The following ROBO1 variants were observed in gnomAD, a reference collection of about 807,000 sequenced individuals.
ROBO1 encodes roundabout guidance receptor 1.
A neutral mutation model predicts 195.9 loss-of-function variants in ROBO1; 149 were observed. The observed-to-expected ratio is 0.76, with a 90% CI of 0.67 to 0.87. The LOEUF is 0.87. Among genes scored for constraint, ROBO1 ranks in the 40% least tolerant of loss-of-function variants. ROBO1 has a pLI of 0.00. For synonymous variants in ROBO1, 816 were observed against 733.2 expected (o/e 1.11, Z -1.82); for missense variants, 1,933 against 2,068.3 (o/e 0.93, Z 1.27).
intron 2 of ROBO1, among the ~76,000 whole-genome samples, chr3:79,222,319 A>G (rs1324031860): frequency 6.6e-6 from 1 of 152,084 alleles, no homozygotes; most frequent in East Asian, 1.9e-4. Flanking sequence ...TTGAAGTCTC[A>G]GTTCTTTCAT....
At chr3:79,236,149 T>C (rs1205378496) in intron 2 of ROBO1, among the ~76,000 whole-genome samples, 1 of 152,070 alleles carries the variant, frequency 6.6e-6, no homozygotes, top group Admixed American at 6.5e-5. Context: ...TGAACACACG[T>C]ATGACATTTT....
At chr3:79,054,839 C>A (rs1004731412) in intron 3 of ROBO1, among the ~76,000 whole-genome samples, 2 of 152,090 alleles carry the variant, frequency 1.3e-5, no homozygotes, top group East Asian at 3.9e-4. Context: ...GCCCCAATAT[C>A]AAACGGGATG....
At chr3:79,649,555 A>G (rs1945938063) in intron 1 of ROBO1, among the ~76,000 whole-genome samples, 2 of 152,150 alleles carry the variant, frequency 1.3e-5, no homozygotes, top group Admixed American at 1.3e-4. Flanking sequence ...AAGAGGAAAC[A>G]TTTAAATTAG....
At chr3:79,118,205 T>C (rs1233082758) in intron 3 of ROBO1, among the ~76,000 whole-genome samples, 2 of 151,776 alleles carry the variant, frequency 1.3e-5, no homozygotes, top group Admixed American at 1.3e-4. Context: ...CAGCTAAAAA[T>C]ATTAGGCTGG....
At chr3:78,826,491 G>T (rs1024153133) in intron 4 of ROBO1, among the ~76,000 whole-genome samples, 2 of 152,150 alleles carry the variant, frequency 1.3e-5, no homozygotes, top group Non-Finnish European at 2.9e-5. Context: ...TTAGAGATCA[G>T]TCAGAGAGGC....
chr3:79,291,910 C>G (rs2032275198), intron 2 of ROBO1, among the ~76,000 whole-genome samples: 1 of 152,112 alleles, frequency 6.6e-6, no homozygotes, highest in Non-Finnish European at 1.5e-5. Context: ...CTCTACCCTG[C>G]AAAGCTGATT....
intron 1 of ROBO1, among the ~76,000 whole-genome samples, chr3:79,648,168 G>T (rs1945890368): frequency 6.6e-6 from 1 of 152,040 alleles, no homozygotes; most frequent in Non-Finnish European, 1.5e-5. Flanking sequence ...ACAGTGAACT[G>T]CACAACTAGA....
intron 3 of ROBO1, among the ~76,000 whole-genome samples, chr3:79,116,424 T>C (rs2108547843): frequency 6.6e-6 from 1 of 151,228 alleles, no homozygotes; most frequent in East Asian, 1.9e-4. Context: ...CTTCTCTATT[T>C]TCTTTTCCTT....
chr3:78,661,228 T>C lies in ROBO1; in HGVS notation c.2122A>G (p.Lys708Glu). ...DQQSQYIQGY[K>E]ILYRPSGANH... Reference sequence around the variant, plus strand: ...GCTCCAGATGGCCGATAGAGAATTTTATATCCTTGTATATACTGAGACTGT... The same window carrying C: ...GCTCCAGATGGCCGATAGAGAATTTCATATCCTTGTATATACTGAGACTGT... Residue 708 changes from lysine to glutamate, a missense_variant, in exon 16 of 31, where the codon AAA (lysine) becomes GAA (glutamate). By Grantham distance (56) the Lys-to-Glu change is moderately conservative. Coordinates refer to ENST00000464233, the MANE Select transcript of ROBO1 (RefSeq NM_002941.4). The C allele has an allele frequency of 6.2e-7, 1 of 1,609,814 alleles. No homozygotes were observed. Among genetic ancestry groups the C allele is most frequent in the Non-Finnish European group, 8.5e-7 (1 of 1,177,482 alleles).
chr3:79,217,425 C>T (rs901194242), intron 2 of ROBO1, among the ~76,000 whole-genome samples: 9 of 151,906 alleles, frequency 5.9e-5, no homozygotes, highest in African/African-American at 1.9e-4. Context: ...GACATTTTAA[C>T]GTATTTTTTT....
chr3:79,289,483 T>C (rs908335598), intron 2 of ROBO1, among the ~76,000 whole-genome samples: 2 of 152,176 alleles, frequency 1.3e-5, no homozygotes, highest in African/African-American at 4.8e-5. Flanking sequence ...GATGTCTCTT[T>C]ATTTTCCTTT....
intron 2 of ROBO1, among the ~76,000 whole-genome samples, chr3:79,400,262 TA>T (rs2037315795): frequency 6.6e-6 from 1 of 152,050 alleles, no homozygotes; most frequent in African/African-American, 2.4e-5. Context: ...AGTCACTCCA[TA>T]AAAGATACAT....
chr3:79,646,618 G>A (rs982563812), intron 1 of ROBO1, among the ~76,000 whole-genome samples: 2 of 152,094 alleles, frequency 1.3e-5, no homozygotes, highest in African/African-American at 4.8e-5. Flanking sequence ...CCATGCTTAT[G>A]GCAGCATTAT....
chr3:79,159,728 C>T (rs559801317), intron 2 of ROBO1, among the ~76,000 whole-genome samples: 63 of 152,098 alleles, frequency 4.1e-4, no homozygotes, highest in African/African-American at 1.3e-3. Flanking sequence ...GTACCACATC[C>T]ATTTATCCTA....
At chr3:79,320,693 A>G (rs1173570449) in intron 2 of ROBO1, among the ~76,000 whole-genome samples, 1 of 152,194 alleles carries the variant, frequency 6.6e-6, no homozygotes, top group Non-Finnish European at 1.5e-5. Context: ...GAAATATTTT[A>G]AAGACTCTAT....
Position 78,708,820 on chromosome 3 carries a change from G to A in ROBO1, c.1045+5577C>T, listed in dbSNP as rs983458420. ...ATATATCTTTTTGTCTTAAAAGATG[G>A]AGCCATGATGCAACATGAAACACCA... On this transcript the variant is annotated intron_variant, in intron 8 of 30. Transcript: ENST00000464233. Among the ~76,000 whole-genome samples, 4 of 152,230 alleles carry A rather than the reference G, an allele frequency of 2.6e-5. No homozygotes were observed. In the South Asian group the frequency reaches 8.3e-4, roughly 32 times the overall value.
chr3:79,540,526 A>C (rs902810420), intron 2 of ROBO1, among the ~76,000 whole-genome samples: 1 of 152,070 alleles, frequency 6.6e-6, no homozygotes, highest in African/African-American at 2.4e-5. Context: ...TCCACTCCCC[A>C]TCACGAATCT....
intron 2 of ROBO1, among the ~76,000 whole-genome samples, chr3:79,225,478 T>A (rs1275654635): frequency 2.0e-5 from 3 of 152,188 alleles, no homozygotes; most frequent in Non-Finnish European, 4.4e-5. Flanking sequence ...GAACCAGTAT[T>A]CCTGAATGAG....
chr3:78,707,787 G>A (rs981924230), intron 8 of ROBO1, among the ~76,000 whole-genome samples: 2 of 152,130 alleles, frequency 1.3e-5, no homozygotes, highest in Admixed American at 1.3e-4. Flanking sequence ...GGTGTGAACT[G>A]AGATCTAAAC....
Sources: gnomAD v4.1 joint callset for allele counts (sites outside exome capture counted in the v4.1 genomes callset) on GRCh38, gnomAD v4.1.1 for gene constraint, MANE v1.5 for transcripts, NCBI Gene and HGNC (gene_info 2026-07-23, HGNC 2026-07-21) for gene names.